Variants in CSMD3 observed in about 807,000 individuals in gnomAD.
CSMD3 encodes CUB and Sushi multiple domains 3.
CSMD3 carries 177 observed loss-of-function variants against 435.2 expected under a neutral mutation model. That is an observed-to-expected ratio of 0.41 (90% CI 0.36 to 0.46). The LOEUF is 0.46. Among genes scored for constraint, CSMD3 ranks in the 20% least tolerant of loss-of-function variants. The pLI is 0.34. For synonymous variants in CSMD3, 1,656 were observed against 1,520.5 expected, an observed-to-expected ratio of 1.09 and a Z score of -2.07; for missense variants, 4,265 against 4,504.6, an observed-to-expected ratio of 0.95 and a Z score of 1.52.
intron 4 of CSMD3, among the ~76,000 whole-genome samples, chr8:113,139,490 T>C (rs1212174668): frequency 6.6e-6 from 1 of 150,874 alleles, no homozygotes; most frequent in Non-Finnish European, 1.5e-5. Flanking sequence ...TATTTATATA[T>C]AATATATGTT....
At chr8:113,198,026 T>C (rs2092678381) in intron 3 of CSMD3, among the ~76,000 whole-genome samples, 1 of 151,372 alleles carries the variant, frequency 6.6e-6, no homozygotes, top group Non-Finnish European at 1.5e-5. Flanking sequence ...AATAAACCAA[T>C]TAATGTTGGG....
At chr8:113,222,955 G>A (rs1344098873) in intron 3 of CSMD3, among the ~76,000 whole-genome samples, 1 of 150,592 alleles carries the variant, frequency 6.6e-6, no homozygotes, top group African/African-American at 2.4e-5. Flanking sequence ...ACATTCAGGT[G>A]GTTATTTAAA....
At chr8:112,876,444 C>A (rs143596768) in intron 10 of CSMD3, among the ~76,000 whole-genome samples, 1,722 of 152,216 alleles carry the variant, frequency 0.011, 97 homozygotes, top group Admixed American at 0.087. Context: ...AAAATACTGG[C>A]AAACCAAATC....
At chr8:113,332,704 T>TG (rs1343951201) in intron 1 of CSMD3, among the ~76,000 whole-genome samples, 1 of 151,698 alleles carries the variant, frequency 6.6e-6, no homozygotes, top group Non-Finnish European at 1.5e-5. Flanking sequence ...CACTCCAGAC[T>TG]GATGCACTTA....
chr8:112,517,009 A>T (rs1313306174), intron 28 of CSMD3, 25 bp downstream of exon 28: 2 of 1,576,740 alleles, frequency 1.3e-6, no homozygotes, highest in South Asian at 1.1e-5. Context: ...TTTATATAAA[A>T]TTTTAATTGT....
At chr8:112,654,946 A>T (rs2075219991) in intron 18 of CSMD3, among the ~76,000 whole-genome samples, 1 of 152,150 alleles carries the variant, frequency 6.6e-6, no homozygotes, top group African/African-American at 2.4e-5. Flanking sequence ...TACATGTTAG[A>T]CTCAAAATAT....
At chr8:112,495,943 A>G (rs75939966) in intron 30 of CSMD3, among the ~76,000 whole-genome samples, 2,629 of 151,342 alleles carry the variant, frequency 0.017, 79 homozygotes, top group African/African-American at 0.06. Flanking sequence ...TATTTATACT[A>G]TATATGTTTT....
intron 22 of CSMD3, among the ~76,000 whole-genome samples, chr8:112,611,527 AAAAT>A (rs1246737181): frequency 6.6e-6 from 1 of 152,202 alleles, no homozygotes; most frequent in East Asian, 1.9e-4. Context: ...TAAAAATTTT[AAAAT>A]AAATAATGAG....
intron 38 of CSMD3, among the ~76,000 whole-genome samples, chr8:112,363,856 T>C (rs2131135118): frequency 6.6e-6 from 1 of 152,160 alleles, no homozygotes; most frequent in African/African-American, 2.4e-5. Flanking sequence ...AAATTAGAAA[T>C]GACAAATACT....
At chr8:112,392,855 C>CTTTTTTTTGTTTTT (rs1471055006) in intron 35 of CSMD3, among the ~76,000 whole-genome samples, 1 of 123,148 alleles carries the variant, frequency 8.1e-6, no homozygotes, top group African/African-American at 3.7e-5. Context: ...CAGATAGTTT[C>CTTTTTTTTGTTTTT]TTTTTTTTCT....
At chr8:112,900,113 G>C (rs1415014444) in intron 10 of CSMD3, among the ~76,000 whole-genome samples, 1 of 150,966 alleles carries the variant, frequency 6.6e-6, no homozygotes, top group Non-Finnish European at 1.5e-5. Context: ...TAGGTAAATT[G>C]CCTTCTAGAG....
intron 7 of CSMD3, among the ~76,000 whole-genome samples, chr8:112,972,482 T>G (rs1476487653): frequency 6.6e-6 from 1 of 151,864 alleles, no homozygotes; most frequent in African/African-American, 2.4e-5. Flanking sequence ...GCAAGGCCTT[T>G]ATATCCAGTT....
intron 3 of CSMD3, among the ~76,000 whole-genome samples, chr8:113,245,529 T>C (rs1022874384): frequency 1.3e-5 from 2 of 152,078 alleles, no homozygotes; most frequent in Admixed American, 1.3e-4. Flanking sequence ...CTTTAATATA[T>C]GCCATCTTCT....
chr8:113,094,843 C>T (rs10955644), intron 5 of CSMD3, among the ~76,000 whole-genome samples: 14 of 151,814 alleles, frequency 9.2e-5, no homozygotes, highest in Non-Finnish European at 1.8e-4. Flanking sequence ...AGGCCGAGGA[C>T]GGTAGATCAC....
At chr8:112,798,581 C>A (rs551744906) in intron 13 of CSMD3, among the ~76,000 whole-genome samples, 1 of 151,808 alleles carries the variant, frequency 6.6e-6, no homozygotes, top group Non-Finnish European at 1.5e-5. Context: ...ACTGAGCAGA[C>A]GGAGAACAAT....
intron 11 of CSMD3, among the ~76,000 whole-genome samples, chr8:112,844,850 C>T (rs1339662998): frequency 6.6e-6 from 1 of 151,644 alleles, no homozygotes; most frequent in African/African-American, 2.4e-5. Context: ...CTATGCCGGC[C>T]CCAGAAAGAC....
At chr8:112,622,553 T>A (rs1834159512) in intron 22 of CSMD3, among the ~76,000 whole-genome samples, 1 of 152,206 alleles carries the variant, frequency 6.6e-6, no homozygotes, top group Non-Finnish European at 1.5e-5. Flanking sequence ...CGAACAATGA[T>A]GAATGTTGTG....
intron 5 of CSMD3, among the ~76,000 whole-genome samples, chr8:113,092,738 G>A (rs1289483104): frequency 6.6e-6 from 1 of 151,988 alleles, no homozygotes; most frequent in Non-Finnish European, 1.5e-5. Flanking sequence ...CCTACAAGTA[G>A]AACAGTCAAA....
At chr8:112,566,686 C>T (rs1364169213) in intron 24 of CSMD3, among the ~76,000 whole-genome samples, 1 of 152,048 alleles carries the variant, frequency 6.6e-6, no homozygotes, top group Admixed American at 6.6e-5. Context: ...TAGAAAAAGG[C>T]TATTTGGGAC....
Sources: gnomAD v4.1 joint callset for allele counts (sites outside exome capture counted in the v4.1 genomes callset) on GRCh38, gnomAD v4.1.1 for gene constraint, MANE v1.5 for transcripts, NCBI Gene and HGNC (gene_info 2026-07-23, HGNC 2026-07-21) for gene names.